The following CHMP3 variants were observed in gnomAD, a reference collection of about 807,000 sequenced individuals.
The protein encoded by CHMP3 is 25.1 protein.
CHMP3 carries 8 observed loss-of-function variants against 27.4 expected under a neutral mutation model. That is an observed-to-expected ratio of 0.29 (90% CI 0.17 to 0.53). The LOEUF (loss-of-function observed/expected upper bound fraction) is 0.53, where lower values mean the gene tolerates loss of function less well. Ranked by LOEUF, CHMP3 falls within the 20% of genes least tolerant of loss-of-function variation. CHMP3 has a pLI of 0.96. For missense variants in CHMP3, 208 were observed against 271.5 expected (o/e 0.77, Z 1.64); for synonymous variants, 86 against 85.5 (o/e 1.01, Z -0.03).
chr2:86,508,301 A>C (rs990913453), intron 4 of CHMP3, among the ~76,000 whole-genome samples: 3 of 152,180 alleles, frequency 2.0e-5, no homozygotes, highest in Non-Finnish European at 4.4e-5. Context: ...TGCAGGACAC[A>C]AGCAAATGGC....
rs2104755354 is a variant in CHMP3 at position 86,519,177 on chromosome 2, C to T, written c.287-8698G>A. 1.3e-5 allele frequency among the ~76,000 whole-genome samples: 2 copies of T among 152,102 alleles called. 1 individual carries two copies. Among genetic ancestry groups the T allele is most frequent in the South Asian group, 4.1e-4 (2 of 4,824 alleles). On this transcript the variant is annotated intron_variant, in intron 3 of 5. Transcript: ENST00000263856. The stretch of plus-strand genomic sequence containing the variant: ...TCACCTGAGGTCAGAAGTTCAAGAC[C>T]AGGCTCCTCAACATGGTGAAACCCC...
At chr2:86,509,678 A>G (rs193091344) in intron 4 of CHMP3, among the ~76,000 whole-genome samples, 36 of 152,284 alleles carry the variant, frequency 2.4e-4, no homozygotes, top group Admixed American at 8.5e-4. Flanking sequence ...CCCCAACTCT[A>G]TATCTTCACT....
intron 1 of CHMP3, among the ~76,000 whole-genome samples, chr2:86,559,044 C>G (rs1363269385): frequency 6.6e-6 from 1 of 152,150 alleles, no homozygotes; most frequent in Non-Finnish European, 1.5e-5. Flanking sequence ...GCTGGTAAAG[C>G]ACTATTTCTG....
intron 3 of CHMP3, among the ~76,000 whole-genome samples, chr2:86,527,890 G>C (rs968009592): frequency 1.8e-4 from 27 of 150,916 alleles, no homozygotes; most frequent in African/African-American, 6.6e-4. Flanking sequence ...GAGCCTGGGA[G>C]GCGCAGATTG....
In CHMP3 at chr2:86,544,086, CATG is replaced by C. The variant is rs199719396; in HGVS notation, c.46-1777_46-1775del. Among the ~76,000 whole-genome samples, 7 of 152,210 alleles carry C rather than the reference CATG, an allele frequency of 4.6e-5. No homozygotes were observed. The East Asian group carries it at 1.3e-3, about 29-fold the overall frequency. The stretch of plus-strand genomic sequence containing the variant: ...AACTTTTCGTTTCTGGTTTATTTAA[CATG>C]ATGTTTTCAAGGTGCCTCCATGTTG... On this transcript the variant is annotated intron_variant, in intron 1 of 5. Transcript: ENST00000263856.
chr2:86,508,236 G>C (rs1674961607), intron 4 of CHMP3, among the ~76,000 whole-genome samples: 1 of 152,172 alleles, frequency 6.6e-6, no homozygotes, highest in African/African-American at 2.4e-5. Flanking sequence ...GTGCCTGGCA[G>C]CCTGCAGGAG....
intron 1 of CHMP3, among the ~76,000 whole-genome samples, chr2:86,550,250 C>T (rs1197298384): frequency 1.3e-5 from 2 of 152,226 alleles, no homozygotes; most frequent in African/African-American, 4.8e-5. Context: ...GCGGCGCACG[C>T]CCGCAATCCC....
At chr2:86,515,879 T>C (rs1003530812) in intron 3 of CHMP3, among the ~76,000 whole-genome samples, 8 of 152,114 alleles carry the variant, frequency 5.3e-5, no homozygotes, top group African/African-American at 1.7e-4. Flanking sequence ...AATTTTTGGC[T>C]GGGCATGGTG....
chr2:86,514,907 A>C (rs1259032012), intron 3 of CHMP3, among the ~76,000 whole-genome samples: 1 of 152,144 alleles, frequency 6.6e-6, no homozygotes, highest in Non-Finnish European at 1.5e-5. Flanking sequence ...TCCCCCAAAA[A>C]AGGTTAAAAT....
intron 1 of CHMP3, among the ~76,000 whole-genome samples, chr2:86,545,958 G>A (rs1020429563): frequency 1.3e-5 from 2 of 152,162 alleles, no homozygotes; most frequent in Non-Finnish European, 2.9e-5. Flanking sequence ...TCCTAGACGG[G>A]GTGGTGGCTG....
chr2:86,541,196 G>A (rs573577573), intron 2 of CHMP3: 1 of 152,108 alleles, frequency 6.6e-6, no homozygotes, highest in East Asian at 1.9e-4. Context: ...TCTTTTCTGT[G>A]TCTGATCAGA....
intron 1 of CHMP3, among the ~76,000 whole-genome samples, chr2:86,551,966 G>A (rs370814705): frequency 6.6e-6 from 1 of 152,230 alleles, no homozygotes; most frequent in Non-Finnish European, 1.5e-5. Flanking sequence ...TAGCATTCCC[G>A]CTAAAAGAAA....
intron 1 of CHMP3, among the ~76,000 whole-genome samples, chr2:86,548,209 T>C (rs1305981102): frequency 6.6e-6 from 1 of 150,994 alleles, no homozygotes; most frequent in Non-Finnish European, 1.5e-5. Context: ...TTAGTATTTA[T>C]TGATCATTCT....
rs545308369 is a variant in CHMP3, at chr2:86,508,828, G to A, written c.409-1235C>T. ...AATTCATATTCATGTTCACCCAGGTGAAACCCTAGGGCCTTCCTGAATGGG... is the reference window on the plus strand; with the variant it reads ...AATTCATATTCATGTTCACCCAGGTAAAACCCTAGGGCCTTCCTGAATGGG... On this transcript the variant is annotated intron_variant, in intron 4 of 5. Coordinates refer to ENST00000263856, the MANE Select transcript of CHMP3 (RefSeq NM_016079.4). 1.7e-4 allele frequency among the ~76,000 whole-genome samples: 26 copies of A among 152,326 alleles called. No homozygotes were observed. The South Asian group carries it at 5.2e-3, about 30-fold the overall frequency.
chr2:86,557,248 A>G (rs375835994), intron 1 of CHMP3, among the ~76,000 whole-genome samples: 27 of 152,312 alleles, frequency 1.8e-4, no homozygotes, highest in African/African-American at 6.3e-4. Flanking sequence ...TGACTGGGGT[A>G]GGGTTAAACA....
rs563101902 is a variant in CHMP3, at chr2:86,511,497, A to G, written c.287-1018T>C. On this transcript the variant is annotated intron_variant, in intron 3 of 5. Transcript: ENST00000263856. ...GAGGCTGAAATAAGCAATAAATTAC[A>G]TATGCCATTAAAATGATAAAAAAGT... 3 of 152,160 alleles carry G rather than the reference A, an allele frequency of 2.0e-5. No individual in the cohort carries two copies. In the East Asian group the frequency reaches 5.8e-4, roughly 29 times the overall value. 9.4% of individuals were successfully genotyped at this position (152,160 alleles called of 1,614,324 possible).
At chr2:86,562,305 G>A (rs896399736) in intron 1 of CHMP3, 3 of 152,008 alleles carry the variant, frequency 2.0e-5, no homozygotes, top group African/African-American at 7.3e-5. Context: ...GACAAGCCTA[G>A]GTGTTGCAGA....
intron 3 of CHMP3, among the ~76,000 whole-genome samples, chr2:86,524,024 C>A (rs1675611870): frequency 1.3e-5 from 2 of 151,938 alleles, no homozygotes; most frequent in South Asian, 4.2e-4. Context: ...ATATTTAGAA[C>A]CTATATATAC....
intron 1 of CHMP3, among the ~76,000 whole-genome samples, chr2:86,544,069 G>C (rs1007261650): frequency 1.3e-5 from 2 of 152,118 alleles, no homozygotes; most frequent in Non-Finnish European, 1.5e-5. Context: ...TTAACTTTTC[G>C]TTTCTGGTTT....
Sources: allele counts gnomAD v4.1 joint callset (sites outside exome capture counted in the v4.1 genomes callset), GRCh38; gene constraint gnomAD v4.1.1; transcripts MANE v1.5; gene names NCBI Gene and HGNC (gene_info 2026-07-23, HGNC 2026-07-21).